The following TBC1D1 variants were observed in gnomAD, a reference collection of about 807,000 sequenced individuals.
TBC1D1 encodes the protein TBC1 (tre-2/USP6, BUB2, cdc16) domain family, member 1.
In TBC1D1, 89 loss-of-function variants were observed where a neutral mutation model predicts 125.6. That is an observed-to-expected ratio of 0.71 (90% CI 0.60 to 0.85). The LOEUF is 0.85. Among genes scored for constraint, TBC1D1 ranks in the 40% least tolerant of loss-of-function variants. The pLI, the probability that TBC1D1 is intolerant of heterozygous loss-of-function variation, is 0.00. For missense variants in TBC1D1, 1,377 were observed against 1,469.2 expected (o/e 0.94, Z 1.03); for synonymous variants, 565 against 564.1 (o/e 1.00, Z -0.02).
intron 2 of TBC1D1, among the ~76,000 whole-genome samples, chr4:37,946,301 T>C (rs1216938683): frequency 6.6e-6 from 1 of 152,214 alleles, no homozygotes; most frequent in African/African-American, 2.4e-5. Context: ...TAATTTATTG[T>C]ATATTTTCAG....
At chr4:38,089,824 A>T in intron 12 of TBC1D1, 108 bp from the exon 15 acceptor site, 1 of 1,150,492 alleles carries the variant, frequency 8.7e-7, no homozygotes, top group Non-Finnish European at 1.2e-6. Flanking sequence ...ATTTGGTGAT[A>T]TTATTATATT....
chr4:37,972,284 G>A (rs1732188022), intron 2 of TBC1D1, among the ~76,000 whole-genome samples: 1 of 151,288 alleles, frequency 6.6e-6, no homozygotes, highest in African/African-American at 2.4e-5. Context: ...GAGTTTGAGA[G>A]TAGCCTGACC....
intron 2 of TBC1D1, among the ~76,000 whole-genome samples, chr4:37,964,399 C>A (rs1730676903): frequency 6.6e-6 from 1 of 152,170 alleles, no homozygotes; most frequent in Admixed American, 6.5e-5. Context: ...ACTGACACAT[C>A]CAACTCGAGA....
At chr4:38,000,950 G>A (rs1360055260) in intron 2 of TBC1D1, among the ~76,000 whole-genome samples, 1 of 152,150 alleles carries the variant, frequency 6.6e-6, no homozygotes, top group African/African-American at 2.4e-5. Flanking sequence ...GCCGGGTGCG[G>A]TGGCTCACGC....
At chr4:38,007,832 G>C (rs1231908199) in intron 2 of TBC1D1, among the ~76,000 whole-genome samples, 1 of 152,238 alleles carries the variant, frequency 6.6e-6, no homozygotes, top group South Asian at 2.1e-4. Flanking sequence ...ATTTGGGTAG[G>C]ATGGTGCTGT....
rs369837501 is a variant in TBC1D1, at chr4:37,968,295, G to A, written c.418-46214G>A. On this transcript the variant is annotated intron_variant, in intron 2 of 19. Transcript: ENST00000261439. ...TTACTATCTTCTTGTCTCCTCTGGAGTTGCAAGTTCAGGGGTTCCCTTTTA... is the reference window on the plus strand; with the variant it reads ...TTACTATCTTCTTGTCTCCTCTGGAATTGCAAGTTCAGGGGTTCCCTTTTA... 3.9e-5 allele frequency among the ~76,000 whole-genome samples: 6 copies of A among 152,326 alleles called. No individual in the cohort carries two copies. The East Asian group carries it at 1.2e-3, about 29-fold the overall frequency.
chr4:38,002,664 A>G (rs1739304633), intron 2 of TBC1D1, among the ~76,000 whole-genome samples: 1 of 152,248 alleles, frequency 6.6e-6, no homozygotes, highest in East Asian at 1.9e-4. Flanking sequence ...CACAATAGAC[A>G]GTAATCCTAC....
intron 2 of TBC1D1, among the ~76,000 whole-genome samples, chr4:37,992,387 C>T (rs1736769926): frequency 6.6e-6 from 1 of 151,984 alleles, no homozygotes. Context: ...AGCCCAGTTA[C>T]CTAGAAGGCA....
chr4:37,912,674 T>C (rs1439828752), intron 2 of TBC1D1, among the ~76,000 whole-genome samples: 1 of 152,220 alleles, frequency 6.6e-6, no homozygotes, highest in Non-Finnish European at 1.5e-5. Flanking sequence ...AATGCTATTA[T>C]GATCCTATAA....
At chr4:37,982,748 A>T (rs1299399410) in intron 2 of TBC1D1, among the ~76,000 whole-genome samples, 1 of 152,180 alleles carries the variant, frequency 6.6e-6, no homozygotes, top group Non-Finnish European at 1.5e-5. Flanking sequence ...TCCTTAGACA[A>T]ATTCTTTAAT....
intron 2 of TBC1D1, among the ~76,000 whole-genome samples, chr4:37,931,512 C>T (rs1723248995): frequency 6.6e-6 from 1 of 152,088 alleles, no homozygotes; most frequent in Non-Finnish European, 1.5e-5. Context: ...GACTCTTGCT[C>T]TGTCGCTCAG....
chr4:37,984,515 C>G (rs978708062), intron 2 of TBC1D1, among the ~76,000 whole-genome samples: 12 of 152,056 alleles, frequency 7.9e-5, no homozygotes, highest in African/African-American at 2.9e-4. Context: ...TGATGTAGTC[C>G]TACTCCCTTT....
At position 37,906,411 on chromosome 4, in the gene TBC1D1, G is replaced by A. The variant is rs145368668; in HGVS notation, c.417+3899G>A. Among the ~76,000 whole-genome samples, 885 of 152,304 alleles carry A rather than the reference G, an allele frequency of 5.8e-3. 7 individuals are homozygous for A. Among genetic ancestry groups the A allele is most frequent in the African/African-American group, 0.02 (851 of 41,566 alleles). On this transcript the variant is annotated intron_variant, in intron 2 of 19. Coordinates refer to ENST00000261439, the MANE Select transcript of TBC1D1 (RefSeq NM_015173.4). ...AATCCACCTGCCTTGGCCTCCCAAA[G>A]TGCTGGGATTATAAACATGAGCCAC...
intron 12 of TBC1D1, among the ~76,000 whole-genome samples, chr4:38,061,859 A>T (rs983280998): frequency 6.6e-6 from 1 of 152,206 alleles, no homozygotes; most frequent in Non-Finnish European, 1.5e-5. Flanking sequence ...CATGATTTAC[A>T]TGTTTTACAT....
intron 2 of TBC1D1, among the ~76,000 whole-genome samples, chr4:37,936,384 A>G (rs369130886): frequency 1.3e-5 from 2 of 152,212 alleles, no homozygotes; most frequent in Non-Finnish European, 2.9e-5. Context: ...AAGTGAAACC[A>G]TGGATAAGGG....
At position 37,945,512 on chromosome 4, in the gene TBC1D1, C is replaced by CAAAAA. The variant is rs59557310; in HGVS notation, c.417+43035_417+43039dup. 1.0e-3 allele frequency among the ~76,000 whole-genome samples: 21 copies of CAAAAA among 20,694 alleles called. 3 individuals carry two copies. The highest frequency in any genetic ancestry group is 5.6e-3 in the East Asian group (4 of 714). The allele number at this position is 20,694 out of a possible 152,430, so 13.6% of individuals were successfully genotyped here. Reference sequence around the variant, plus strand: ...TGGGCAACAGAGAGAGACTCCACCTCAAAAAAAAAAAAAAAAAAAAAAAAA... The same window carrying CAAAAA: ...TGGGCAACAGAGAGAGACTCCACCTCAAAAAAAAAAAAAAAAAAAAAAAAAAAAAA... On this transcript the variant is annotated intron_variant, in intron 2 of 19. Coordinates refer to ENST00000261439, the MANE Select transcript of TBC1D1 (RefSeq NM_015173.4).
intron 2 of TBC1D1, among the ~76,000 whole-genome samples, chr4:37,950,330 G>T (rs1243520160): frequency 1.3e-5 from 2 of 151,926 alleles, no homozygotes; most frequent in East Asian, 3.9e-4. Context: ...GTGTTAATTT[G>T]TGTAAAACAG....
chr4:38,018,983 C>A (rs1213358801), intron 4 of TBC1D1, among the ~76,000 whole-genome samples: 2 of 151,992 alleles, frequency 1.3e-5, no homozygotes, highest in African/African-American at 4.8e-5. Context: ...TACCAATTGT[C>A]AGTATTCTCC....
intron 12 of TBC1D1, among the ~76,000 whole-genome samples, chr4:38,076,436 A>C (rs1276503682): frequency 6.6e-6 from 1 of 152,092 alleles, no homozygotes; most frequent in African/African-American, 2.4e-5. Context: ...TCTGGCCCTG[A>C]TCCCTTTATG....
Sources: allele counts gnomAD v4.1 joint callset (sites outside exome capture counted in the v4.1 genomes callset), GRCh38; gene constraint gnomAD v4.1.1; transcripts MANE v1.5; gene names NCBI Gene and HGNC (gene_info 2026-07-23, HGNC 2026-07-21).